Variants in CTPS2 observed in about 807,000 individuals in gnomAD.
The protein encoded by CTPS2 is CTP synthase II.
A neutral mutation model predicts 46.8 loss-of-function variants in CTPS2; 19 were observed. That is an observed-to-expected ratio of 0.41 (90% CI 0.28 to 0.60). The LOEUF is 0.60. Among genes scored for constraint, CTPS2 ranks in the 20% least tolerant of loss-of-function variants. CTPS2 has a pLI of 0.35. For missense variants in CTPS2, 286 were observed against 447.6 expected, an observed-to-expected ratio of 0.64 and a Z score of 3.26; for synonymous variants, 151 against 165.2, an observed-to-expected ratio of 0.91 and a Z score of 0.66.
At chrX:16,682,452 A>T (rs7891131) in intron 9 of CTPS2, among the ~76,000 whole-genome samples, 12,178 of 111,525 alleles carry the variant, frequency 0.11, 943 homozygotes, top group African/African-American at 0.27. Flanking sequence ...GCCACTGCAC[A>T]CCAACCTGGG....
chrX:16,703,188 C>T (rs1048282940), intron 1 of CTPS2, among the ~76,000 whole-genome samples: 2 of 109,473 alleles, frequency 1.8e-5, no homozygotes, highest in Non-Finnish European at 3.8e-5. Flanking sequence ...CCACGCCCTG[C>T]TAATTTTTGT....
chrX:16,650,511 CTTTTTT>C (rs1167079038), intron 13 of CTPS2, among the ~76,000 whole-genome samples: 1 of 77,208 alleles, frequency 1.3e-5, no homozygotes. Flanking sequence ...TCTAAGATGT[CTTTTTT>C]TTTTTTTTTT....
intron 17 of CTPS2, among the ~76,000 whole-genome samples, chrX:16,605,224 A>G (rs1234048168): frequency 8.9e-6 from 1 of 111,860 alleles, no homozygotes; most frequent in Non-Finnish European, 1.9e-5. Context: ...AAATATCCCT[A>G]AACTCTGAGC....
Position 16,683,313 on chromosome X carries a change from G to A in CTPS2, c.873-87C>T, listed in dbSNP as rs1320734099. 3.0e-6 allele frequency: 3 copies of A among 1,009,001 alleles called. No individual in the cohort carries two copies. The African/African-American group carries it at 5.6e-5, about 19-fold the overall frequency. The allele number at this position is 1,009,001 out of a possible 1,213,427, so 83.2% of individuals were successfully genotyped here. A position where few individuals can be genotyped will look rare whatever the true frequency, so the allele number is the denominator to read the frequency against. ...TGGCAGCTGCTGCTCTTACTCCAAG[G>A]CACTTTTTAAATCCTCGGGAGCAGC... On this transcript the variant is annotated intron_variant, in intron 8 of 18. Coordinates refer to ENST00000359276, the MANE Select transcript of CTPS2 (RefSeq NM_175859.3).
intron 13 of CTPS2, among the ~76,000 whole-genome samples, chrX:16,642,900 C>T (rs1293753757): frequency 4.5e-5 from 5 of 111,964 alleles, no homozygotes; most frequent in East Asian, 2.8e-4. Context: ...GAAAGGAAAA[C>T]GCATCTTCCA....
At chrX:16,638,978 C>A in intron 14 of CTPS2, 169 bp downstream of exon 14, 1 of 548,950 alleles carries the variant, frequency 1.8e-6, no homozygotes, top group Non-Finnish European at 3.3e-6. Flanking sequence ...AGAAGAATGC[C>A]CAGAGCAGAG....
intron 17 of CTPS2, among the ~76,000 whole-genome samples, chrX:16,606,180 T>C (rs73448242): frequency 0.025 from 2,857 of 112,605 alleles, 100 homozygotes; most frequent in African/African-American, 0.087. Context: ...TTGAATATCA[T>C]CAGCGCCAAC....
chrX:16,671,360 C>T (rs1921726369), intron 10 of CTPS2, among the ~76,000 whole-genome samples: 1 of 111,011 alleles, frequency 9.0e-6, no homozygotes, highest in Non-Finnish European at 1.9e-5. Context: ...TCACTTTACT[C>T]TATGGACTCA....
intron 7 of CTPS2, among the ~76,000 whole-genome samples, chrX:16,689,984 G>A (rs972552344): frequency 4.8e-5 from 5 of 104,909 alleles, no homozygotes; most frequent in East Asian, 6.1e-4. Flanking sequence ...CCCAGGAGGC[G>A]GAGGTTGCAG....
chrX:16,674,983 G>C (rs1341220509), intron 10 of CTPS2, among the ~76,000 whole-genome samples: 2 of 109,540 alleles, frequency 1.8e-5, no homozygotes, highest in South Asian at 3.9e-4. Context: ...ACTTCTAAAG[G>C]AGCCAGGCAT....
At chrX:16,663,766 G>T (rs768683717) in intron 13 of CTPS2, among the ~76,000 whole-genome samples, 1 of 111,479 alleles carries the variant, frequency 9.0e-6, no homozygotes, top group East Asian at 2.8e-4. Context: ...AAGTGAGGTG[G>T]GGGCAAAGGA....
At chrX:16,612,461 C>T (rs1025092816) in intron 16 of CTPS2, among the ~76,000 whole-genome samples, 4 of 112,005 alleles carry the variant, frequency 3.6e-5, no homozygotes, top group Non-Finnish European at 5.6e-5. Context: ...ATGAAAGAAC[C>T]TTCTAAGTAT....
chrX:16,639,062 G>T, intron 14 of CTPS2, 85 bp downstream of exon 14: 1 of 726,314 alleles, frequency 1.4e-6, no homozygotes, highest in Non-Finnish European at 2.2e-6. Context: ...GGCAGGGGGA[G>T]TCTCCACCAC....
chrX:16,651,129 C>T lies in CTPS2; in HGVS notation c.1297-11886G>A, dbSNP rs748000340. ...AGCTATTGATTCAGGCTGAATTCCC[C>T]AGTTTACTCAAAGTAAGTGGCCATC... On this transcript the variant is annotated intron_variant, in intron 13 of 18. Transcript: ENST00000359276. The T allele has an allele frequency of 2.6e-6, 3 of 1,163,471 alleles. No homozygotes were observed. The African/African-American group carries it at 5.5e-5, about 21-fold the overall frequency.
At chrX:16,639,940 T>C (rs1931999936) in intron 13 of CTPS2, among the ~76,000 whole-genome samples, 1 of 111,378 alleles carries the variant, frequency 9.0e-6, no homozygotes, top group Non-Finnish European at 1.9e-5. Flanking sequence ...CTCTCCCTCA[T>C]AGCCACTCTG....
chrX:16,643,995 C>T (rs191242967), intron 13 of CTPS2, among the ~76,000 whole-genome samples: 1 of 111,729 alleles, frequency 9.0e-6, no homozygotes, highest in Non-Finnish European at 1.9e-5. Context: ...AATAAATAAC[C>T]TATACATCAT....
At chrX:16,659,699 A>G (rs184512474) in intron 13 of CTPS2, among the ~76,000 whole-genome samples, 1 of 111,799 alleles carries the variant, frequency 8.9e-6, no homozygotes, top group East Asian at 2.8e-4. Flanking sequence ...TGGAATGATT[A>G]CCACGAGCAA....
intron 17 of CTPS2, among the ~76,000 whole-genome samples, chrX:16,603,352 A>T (rs995320496): frequency 1.8e-5 from 2 of 109,241 alleles, no homozygotes; most frequent in Non-Finnish European, 3.8e-5. Context: ...GGAGGCAGAG[A>T]TTGCAGTGAG....
At chrX:16,601,433 T>C (rs1419331873) in intron 17 of CTPS2, among the ~76,000 whole-genome samples, 1 of 110,898 alleles carries the variant, frequency 9.0e-6, no homozygotes, top group African/African-American at 3.3e-5. Flanking sequence ...AGGATATAGA[T>C]CCCTATTCCC....
Sources: gnomAD v4.1 joint callset for allele counts (sites outside exome capture counted in the v4.1 genomes callset) on GRCh38, gnomAD v4.1.1 for gene constraint, MANE v1.5 for transcripts, NCBI Gene and HGNC (gene_info 2026-07-23, HGNC 2026-07-21) for gene names.